Variants in PRKN observed in about 807,000 individuals in gnomAD.
PRKN encodes E3 ubiquitin-protein ligase parkin.
In PRKN, 56 loss-of-function variants were observed where a neutral mutation model predicts 59.5. The observed-to-expected ratio is 0.94, with a 90% CI of 0.76 to 1.18. The LOEUF is 1.18. Ranked by LOEUF, PRKN falls within the 50% of genes most tolerant of loss-of-function variation. The probability of loss-of-function intolerance (pLI) is 0.00; values close to 1 mark genes in which losing one functional copy is unlikely to be tolerated. For synonymous variants in PRKN, 250 were observed against 222.1 expected, an observed-to-expected ratio of 1.13 and a Z score of -1.12; for missense variants, 657 against 596.4, an observed-to-expected ratio of 1.10 and a Z score of -1.06.
intron 4 of PRKN, among the ~76,000 whole-genome samples, chr6:162,131,849 A>T (rs1781374345): frequency 6.6e-6 from 1 of 152,248 alleles, no homozygotes; most frequent in South Asian, 2.1e-4. Flanking sequence ...CAGCAAATGT[A>T]AAGGTAGAGT....
At chr6:162,673,215 C>A (rs1449249619) in intron 1 of PRKN, among the ~76,000 whole-genome samples, 1 of 152,176 alleles carries the variant, frequency 6.6e-6, no homozygotes, top group Non-Finnish European at 1.5e-5. Context: ...CTGAAGCCCA[C>A]ATGAGGTGCT....
At chr6:162,477,937 C>A (rs190343581) in intron 1 of PRKN, among the ~76,000 whole-genome samples, 1 of 152,146 alleles carries the variant, frequency 6.6e-6, no homozygotes, top group East Asian at 1.9e-4. Flanking sequence ...CATCCTGTTT[C>A]CCGGCTTCTG....
At chr6:161,453,265 A>C (rs1789822989) in intron 9 of PRKN, among the ~76,000 whole-genome samples, 1 of 152,088 alleles carries the variant, frequency 6.6e-6, no homozygotes. Context: ...TGGCTCTGTC[A>C]CTCATTTCGT....
At chr6:161,504,282 T>C (rs1778066763) in intron 9 of PRKN, among the ~76,000 whole-genome samples, 1 of 152,102 alleles carries the variant, frequency 6.6e-6, no homozygotes, top group African/African-American at 2.4e-5. Context: ...CTGGGCAAGG[T>C]CTGACTCCCT....
intron 4 of PRKN, among the ~76,000 whole-genome samples, chr6:162,169,926 G>A (rs369540367): frequency 6.6e-5 from 10 of 152,298 alleles, no homozygotes; most frequent in African/African-American, 2.4e-4. Context: ...TCTGATACTA[G>A]AGAGCAGTTA....
In PRKN at chr6:161,949,172, A is replaced by G. The variant is rs200860986; in HGVS notation, c.734+24130T>C. 2.6e-5 allele frequency among the ~76,000 whole-genome samples: 4 copies of G among 152,226 alleles called. No individual in the cohort carries two copies. The East Asian group carries it at 7.7e-4, about 29-fold the overall frequency. On this transcript the variant is annotated intron_variant, in intron 6 of 11. Coordinates refer to ENST00000366898, the MANE Select transcript of PRKN (RefSeq NM_004562.3). ...GTCCTGTTCCCTGCCCAGAGCCACCAGAAGTATCTTCCTAAAGCATAAACT... is the reference window on the plus strand; with the variant it reads ...GTCCTGTTCCCTGCCCAGAGCCACCGGAAGTATCTTCCTAAAGCATAAACT...
intron 6 of PRKN, among the ~76,000 whole-genome samples, chr6:161,898,095 A>G (rs1172444793): frequency 6.6e-6 from 1 of 152,044 alleles, no homozygotes; most frequent in East Asian, 1.9e-4. Context: ...CAGAACTTGT[A>G]GCAAATTTTC....
At chr6:161,622,039 C>T (rs966123524) in intron 7 of PRKN, among the ~76,000 whole-genome samples, 6 of 152,124 alleles carry the variant, frequency 3.9e-5, no homozygotes, top group East Asian at 1.9e-4. Flanking sequence ...GCTGGTGTAA[C>T]GAGCGCTTTT....
At chr6:162,050,342 A>G (rs1777581171) in intron 5 of PRKN, among the ~76,000 whole-genome samples, 1 of 152,150 alleles carries the variant, frequency 6.6e-6, no homozygotes, top group Non-Finnish European at 1.5e-5. Flanking sequence ...AACCCAGTCT[A>G]AGAGTCATTG....
At chr6:162,469,509 T>TACACACACAC (rs74725154) in intron 1 of PRKN, among the ~76,000 whole-genome samples, 7 of 148,928 alleles carry the variant, frequency 4.7e-5, no homozygotes, top group African/African-American at 1.5e-4. Flanking sequence ...TGTGTGTGTA[T>TACACACACAC]ACACACACAC....
intron 2 of PRKN, among the ~76,000 whole-genome samples, chr6:162,436,472 C>T (rs2128164984): frequency 6.6e-6 from 1 of 151,538 alleles, no homozygotes; most frequent in East Asian, 2.0e-4. Context: ...GCTGGGATTA[C>T]AGGTGATTTT....
chr6:162,313,019 A>G (rs1782590126), intron 2 of PRKN, among the ~76,000 whole-genome samples: 1 of 152,188 alleles, frequency 6.6e-6, no homozygotes, highest in Non-Finnish European at 1.5e-5. Context: ...TGATTGACCT[A>G]TGCTCTCAGG....
At chr6:162,671,750 A>C (rs1190963614) in intron 1 of PRKN, among the ~76,000 whole-genome samples, 3 of 151,804 alleles carry the variant, frequency 2.0e-5, no homozygotes, top group Non-Finnish European at 2.9e-5. Flanking sequence ...TAAAATATTG[A>C]ATATAAAACT....
At chr6:161,929,736 C>T (rs1321471616) in intron 6 of PRKN, among the ~76,000 whole-genome samples, 5 of 151,874 alleles carry the variant, frequency 3.3e-5, no homozygotes, top group Non-Finnish European at 7.4e-5. Flanking sequence ...AGGCTGGTCT[C>T]GAACTGACCA....
In PRKN at chr6:161,356,293, G is replaced by A. The variant is rs188667522; in HGVS notation, c.1285+3795C>T. On this transcript the variant is annotated intron_variant, in intron 11 of 11. Transcript: ENST00000366898. The surrounding 1 kb of genome is among the most constrained non-coding windows in gnomAD (Gnocchi z 7.8). ...GGTCTTTGGCAGGGTGGTAAGGGGC[G>A]GTCTGACTGAGAAGAGGTCAGCTGG... Among the ~76,000 whole-genome samples the A allele has an allele frequency of 6.1e-4, 93 of 152,272 alleles. No homozygotes were observed. Among genetic ancestry groups the A allele is most frequent in the African/African-American group, 2.1e-3 (89 of 41,552 alleles).
At chr6:162,021,072 C>G (rs1783129538) in intron 5 of PRKN, among the ~76,000 whole-genome samples, 1 of 140,498 alleles carries the variant, frequency 7.1e-6, no homozygotes, top group African/African-American at 2.7e-5. Context: ...CACTGCACTC[C>G]AGCCTGGGTG....
At chr6:161,564,343 C>G (rs188294576) in intron 8 of PRKN, among the ~76,000 whole-genome samples, 1 of 152,330 alleles carries the variant, frequency 6.6e-6, no homozygotes, top group African/African-American at 2.4e-5. Flanking sequence ...TCTCTCCAGG[C>G]TGAGCCCCAA....
intron 1 of PRKN, among the ~76,000 whole-genome samples, chr6:162,449,226 A>T (rs1246126163): frequency 6.6e-6 from 1 of 152,180 alleles, no homozygotes; most frequent in Non-Finnish European, 1.5e-5. Context: ...CTAGCATTTG[A>T]TATCTACACG....
chr6:161,921,760 T>C (rs988138165), intron 6 of PRKN, among the ~76,000 whole-genome samples: 2 of 152,180 alleles, frequency 1.3e-5, no homozygotes, highest in Non-Finnish European at 2.9e-5. Flanking sequence ...AGCTATAGGA[T>C]GGTGAAGTTC....
Sources: allele counts gnomAD v4.1 joint callset (sites outside exome capture counted in the v4.1 genomes callset), GRCh38; gene constraint gnomAD v4.1.1; non-coding constraint Gnocchi (gnomAD v3.1); transcripts MANE v1.5; gene names NCBI Gene and HGNC (gene_info 2026-07-23, HGNC 2026-07-21).